Variants in SEC14L1 observed in about 807,000 individuals in gnomAD.
The protein encoded by SEC14L1 is SEC14-like protein 1.
SEC14L1 carries 48 observed loss-of-function variants against 85.3 expected under a neutral mutation model. The observed-to-expected ratio is 0.56, with a 90% CI of 0.45 to 0.72. The LOEUF (loss-of-function observed/expected upper bound fraction) is 0.72. Among genes scored for constraint, SEC14L1 ranks in the 30% least tolerant of loss-of-function variants. The pLI is 0.00. For synonymous variants in SEC14L1, 391 were observed against 355.5 expected (o/e 1.10, Z -1.12); for missense variants, 682 against 921.4 (o/e 0.74, Z 3.36).
intron 3 of SEC14L1, chr17:77,093,499 C>A (rs953264498): frequency 6.6e-6 from 1 of 152,260 alleles, no homozygotes; most frequent in African/African-American, 2.4e-5. Context: ...TGTAGCCTCT[C>A]ATCATCTAAA....
chr17:77,118,745 A>G (rs1465560643), intron 3 of SEC14L1, among the ~76,000 whole-genome samples: 3 of 152,212 alleles, frequency 2.0e-5, no homozygotes, highest in Admixed American at 6.5e-5. Flanking sequence ...GCGTGCATGC[A>G]GGCGGTGCAC....
At chr17:77,144,405 C>T (rs1973185957) in intron 3 of SEC14L1, among the ~76,000 whole-genome samples, 1 of 152,166 alleles carries the variant, frequency 6.6e-6, no homozygotes, top group Non-Finnish European at 1.5e-5. Flanking sequence ...GAAGTCTCCC[C>T]TGGTTCAAGT....
chr17:77,216,765 T>A lies in SEC14L1; in HGVS notation c.*2742T>A. 1.1e-6 allele frequency: 1 copy of A among 900,618 alleles called. No homozygotes were observed. Among genetic ancestry groups the A allele is most frequent in the Non-Finnish European group, 1.7e-6 (1 of 602,344 alleles). 55.8% of individuals were successfully genotyped at this position (900,618 alleles called of 1,614,324 possible). A position where few individuals can be genotyped will look rare whatever the true frequency, so the allele number is the denominator to read the frequency against. ...CAAAGCACATGACCGCACAAATGCT[T>A]ACAGGGTTTCCTCCCGAGTAATCCA... On this transcript the variant is annotated 3_prime_UTR_variant, in exon 17 of 17. Transcript: ENST00000436233.
chr17:77,111,396 G>GTTTT (rs547141080), intron 3 of SEC14L1, among the ~76,000 whole-genome samples: 3 of 140,770 alleles, frequency 2.1e-5, no homozygotes, highest in African/African-American at 7.9e-5. Flanking sequence ...CTTTTGAAGT[G>GTTTT]TTTTTTTTTT....
rs1440107938 is a variant in SEC14L1, at chr17:77,092,210, AGATT to A, written c.-239-1031_-239-1028del. On this transcript the variant is annotated intron_variant, in intron 2 of 19. Transcript: ENST00000392476. ...CTTTGCCTGTTTTTTGTTAGCACAC[AGATT>A]GAGAAGTGACATCATCAGTGCAATT... Among the ~76,000 whole-genome samples the A allele has an allele frequency of 3.3e-5, 5 of 152,314 alleles. No homozygotes were observed. The South Asian group carries it at 8.3e-4, about 25-fold the overall frequency.
At chr17:77,148,273 A>T (rs990665086) in intron 3 of SEC14L1, among the ~76,000 whole-genome samples, 1 of 152,094 alleles carries the variant, frequency 6.6e-6, no homozygotes, top group African/African-American at 2.4e-5. Context: ...AGGGAAGAAC[A>T]TGAGAGGCCA....
intron 3 of SEC14L1, among the ~76,000 whole-genome samples, chr17:77,145,850 G>A (rs1023712554): frequency 6.6e-6 from 1 of 152,144 alleles, no homozygotes; most frequent in African/African-American, 2.4e-5. Context: ...CTGGCTCCAT[G>A]TGCTGGAGCC....
intron 3 of SEC14L1, among the ~76,000 whole-genome samples, chr17:77,146,474 C>T (rs1973312927): frequency 6.6e-6 from 1 of 152,204 alleles, no homozygotes. Context: ...CTTGCCAGTT[C>T]ATGCAGGACT....
At chr17:77,169,825 T>A (rs1289798290) in intron 3 of SEC14L1, among the ~76,000 whole-genome samples, 2 of 152,014 alleles carry the variant, frequency 1.3e-5, no homozygotes, top group Non-Finnish European at 2.9e-5. Flanking sequence ...GGGACATTAA[T>A]AGAGATTTGC....
At chr17:77,149,207 C>A (rs1973447356) in intron 3 of SEC14L1, among the ~76,000 whole-genome samples, 1 of 152,188 alleles carries the variant, frequency 6.6e-6, no homozygotes, top group African/African-American at 2.4e-5. Flanking sequence ...TCTTTATTCA[C>A]AAAGCCTCTT....
intron 9 of SEC14L1, 91 bp downstream of exon 9, chr17:77,200,764 G>C: frequency 1.5e-6 from 2 of 1,328,658 alleles, no homozygotes; most frequent in Non-Finnish European, 2.1e-6. Flanking sequence ...GAGTTGAGTG[G>C]GGCCCCCTTG....
chr17:77,162,019 C>A (rs1260692768), intron 3 of SEC14L1, among the ~76,000 whole-genome samples: 2 of 151,704 alleles, frequency 1.3e-5, no homozygotes, highest in Non-Finnish European at 2.9e-5. Context: ...ACATACAAAT[C>A]CCCGACCCAG....
intron 3 of SEC14L1, among the ~76,000 whole-genome samples, chr17:77,176,288 C>T (rs1974754417): frequency 6.6e-6 from 1 of 150,790 alleles, no homozygotes; most frequent in Non-Finnish European, 1.5e-5. Flanking sequence ...GAAACTCAGT[C>T]TTGAAAAAAA....
At chr17:77,185,789 G>A (rs1975239831) in intron 3 of SEC14L1, among the ~76,000 whole-genome samples, 1 of 152,058 alleles carries the variant, frequency 6.6e-6, no homozygotes, top group Non-Finnish European at 1.5e-5. Flanking sequence ...TGTTTTCCTA[G>A]GAATTGTTCG....
chr17:77,189,736 C>T (rs749589903), intron 3 of SEC14L1, among the ~76,000 whole-genome samples: 4 of 152,190 alleles, frequency 2.6e-5, no homozygotes, highest in Non-Finnish European at 4.4e-5. Flanking sequence ...TCACGCCATT[C>T]TCCTGCCTCA....
chr17:77,189,696 TCGG>T (rs1975432708), intron 3 of SEC14L1, among the ~76,000 whole-genome samples: 1 of 152,208 alleles, frequency 6.6e-6, no homozygotes. Flanking sequence ...TGGCGCGATC[TCGG>T]CTCACTGCAA....
At chr17:77,184,344 G>A (rs908956441) in intron 3 of SEC14L1, among the ~76,000 whole-genome samples, 5 of 152,144 alleles carry the variant, frequency 3.3e-5, no homozygotes, top group African/African-American at 4.8e-5. Flanking sequence ...AATGCCTTAC[G>A]TTAGCATTCA....
chr17:77,215,170 A>G lies in SEC14L1; in HGVS notation c.*1147A>G. On this transcript the variant is annotated 3_prime_UTR_variant, in exon 17 of 17. Transcript: ENST00000436233. ...GTTTGAGTAATGAAGGAATCTTCACAGAAGCAAATCAGAATATGGGATTTG... is the reference window on the plus strand; with the variant it reads ...GTTTGAGTAATGAAGGAATCTTCACGGAAGCAAATCAGAATATGGGATTTG... The G allele has an allele frequency of 1.0e-6, 1 of 985,518 alleles. No homozygotes were observed. Among genetic ancestry groups the G allele is most frequent in the Non-Finnish European group, 1.2e-6 (1 of 829,994 alleles). The allele number at this position is 985,518 out of a possible 1,614,324, so 61.0% of individuals were successfully genotyped here.
At chr17:77,110,205 T>C (rs1484512557) in intron 3 of SEC14L1, among the ~76,000 whole-genome samples, 2 of 152,214 alleles carry the variant, frequency 1.3e-5, no homozygotes, top group Non-Finnish European at 2.9e-5. Flanking sequence ...CTCGAGTAAT[T>C]ACACTGGTTG....
Sources: allele counts gnomAD v4.1 joint callset (sites outside exome capture counted in the v4.1 genomes callset), GRCh38; gene constraint gnomAD v4.1.1; transcripts MANE v1.5; gene names NCBI Gene and HGNC (gene_info 2026-07-23, HGNC 2026-07-21).